CACNA1I: variants seen among roughly 807,000 people sequenced by gnomAD.
CACNA1I encodes the protein calcium voltage-gated channel subunit alpha1 I.
In CACNA1I, 74 loss-of-function variants were observed where a neutral mutation model predicts 201.6. The ratio of observed to expected loss-of-function variants is 0.37; its 90% CI spans 0.30 to 0.45. CACNA1I has a LOEUF of 0.45. Among genes scored for constraint, CACNA1I ranks in the 20% least tolerant of loss-of-function variants. The pLI is 1.00. For synonymous variants in CACNA1I, 1,431 were observed against 1,345.2 expected (o/e 1.06, Z -1.40); for missense variants, 2,346 against 3,138.1 (o/e 0.75, Z 6.03).
rs1169454570 is a variant in CACNA1I, at chr22:39,662,090, G to A, written c.3027G>A (p.Ala1009=). The A allele has an allele frequency of 3.9e-6, 6 of 1,530,254 alleles. No individual in the cohort carries two copies. The highest frequency in any genetic ancestry group is 2.1e-5 in the Admixed American group (1 of 48,744). 94.8% of individuals were successfully genotyped at this position (1,530,254 alleles called of 1,614,324 possible). A position where few individuals can be genotyped will look rare whatever the true frequency, so the allele number is the denominator to read the frequency against. The change falls in exon 17 of 37, where the codon GCG becomes GCA. Residue 1009 remains alanine (A), a synonymous_variant. Coordinates refer to ENST00000402142, the MANE Select transcript of CACNA1I (RefSeq NM_021096.4). ...PSAEHESLLS[A]ERGGGARVCE... is the part of the protein sequence containing the mutation. ...CGGAGCATGAGTCCCTGCTCTCTGCGGAGCGCGGCGGCGGCGCCCGGGTCT... is the reference window on the plus strand; with the variant it reads ...CGGAGCATGAGTCCCTGCTCTCTGCAGAGCGCGGCGGCGGCGCCCGGGTCT...
chr22:39,633,752 G>C (rs923708671), intron 4 of CACNA1I, among the ~76,000 whole-genome samples: 3 of 152,228 alleles, frequency 2.0e-5, no homozygotes, highest in African/African-American at 7.2e-5. Context: ...AGGATCTTAG[G>C]GGGAGGGTGT....
At chr22:39,672,171 G>A (rs940632426) in intron 26 of CACNA1I, 28 bp from the exon 27 acceptor site, 1 of 1,479,130 alleles carries the variant, frequency 6.8e-7, no homozygotes. Flanking sequence ...ATGTGCCCTG[G>A]ATCATGCTTC....
At chr22:39,672,857 C>G (rs1935411522) in intron 27 of CACNA1I, 92 bp from the exon 28 acceptor site, 13 of 1,404,626 alleles carry the variant, frequency 9.3e-6, no homozygotes, top group Non-Finnish European at 1.3e-5. Context: ...ATAGAAGGGT[C>G]AGGACCTGGG....
Position 39,661,098 on chromosome 22 carries a change from A to G in CACNA1I, c.2699-10A>G. The G allele has an allele frequency of 6.2e-7, 1 of 1,608,294 alleles. No individual in the cohort carries two copies. Among genetic ancestry groups the G allele is most frequent in the Non-Finnish European group, 8.5e-7 (1 of 1,176,784 alleles). On this transcript the variant is annotated splice_polypyrimidine_tract_variant and intron_variant, in intron 15 of 36. Transcript: ENST00000402142. ...CTGTCCCTCCCTCTGTCTCCATCTC[A>G]CTCCTCCAGATCCCAAGCTCTGCCC...
At chr22:39,669,929 G>T in intron 24 of CACNA1I, 109 bp from the exon 25 acceptor site, 1 of 1,236,604 alleles carries the variant, frequency 8.1e-7, no homozygotes, top group South Asian at 1.3e-5. Context: ...CCTTCCTGGA[G>T]GCAGGCTCAA....
chr22:39,679,127 C>A lies in CACNA1I; in HGVS notation c.5076C>A (p.Thr1692=), dbSNP rs370762579. The A allele has an allele frequency of 1.3e-6, 2 of 1,593,760 alleles. No homozygotes were observed. The highest frequency in any genetic ancestry group is 2.3e-5 in the East Asian group (1 of 43,812). Residue 1692 remains threonine, a synonymous_variant, in exon 32 of 37, where the codon ACC becomes ACA. Transcript: ENST00000402142. ...CGCAGGACACGCTGCGGGACTGCACCCACGACGAGCGCAGCTGCCTGAGCA... is the reference window on the plus strand; with the variant it reads ...CGCAGGACACGCTGCGGGACTGCACACACGACGAGCGCAGCTGCCTGAGCA... ...GIMKDTLRDC[T]HDERSCLSSL...
At chr22:39,626,211 C>T (rs1601473351) in intron 4 of CACNA1I, among the ~76,000 whole-genome samples, 1 of 152,264 alleles carries the variant, frequency 6.6e-6, no homozygotes. Flanking sequence ...CTCTCCGTGC[C>T]TCTATTTCCC....
intron 1 of CACNA1I, among the ~76,000 whole-genome samples, chr22:39,595,904 G>A (rs1406676384): frequency 6.6e-6 from 1 of 151,660 alleles, no homozygotes; most frequent in Non-Finnish European, 1.5e-5. Flanking sequence ...CAGAGACAAT[G>A]AGCATGTCAG....
intron 5 of CACNA1I, among the ~76,000 whole-genome samples, 200 bp from the exon 6 acceptor site, chr22:39,640,667 G>T (rs570710618): frequency 6.6e-6 from 1 of 152,306 alleles, no homozygotes; most frequent in Admixed American, 6.5e-5. Context: ...CCCAGAGAAG[G>T]GGACCACAGT....
At position 39,688,573 on chromosome 22, in the gene CACNA1I, C is replaced by G. The variant is rs976951543; in HGVS notation, c.*2168C>G. The G allele has an allele frequency of 7.2e-5, 11 of 152,104 alleles. No homozygotes were observed. The highest frequency in any genetic ancestry group is 2.7e-4 in the African/African-American group (11 of 41,394). The allele number at this position is 152,104 out of a possible 1,614,324, so 9.4% of individuals were successfully genotyped here. Reference sequence around the variant, plus strand: ...AGAGGGGCTGTGTGGCCTGGGAATACCATGTGGAAGGTTGGGCTTCAAGTT... The same window carrying G: ...AGAGGGGCTGTGTGGCCTGGGAATAGCATGTGGAAGGTTGGGCTTCAAGTT... On this transcript the variant is annotated 3_prime_UTR_variant, in exon 37 of 37. Coordinates refer to ENST00000402142, the MANE Select transcript of CACNA1I (RefSeq NM_021096.4). This position sits in a 1 kb window ranked among gnomAD's most constrained non-coding sequence, Gnocchi z 4.8.
chr22:39,664,647 T>TCGCCC (rs1279878135), intron 20 of CACNA1I, 92 bp from the exon 21 acceptor site: 1 of 232,932 alleles, frequency 4.3e-6, no homozygotes, highest in African/African-American at 4.2e-5. Context: ...CGATCAGGCC[T>TCGCCC]CGCCCCGCCC....
chr22:39,686,484 T>C lies in CACNA1I; in HGVS notation c.*79T>C. 1 of 1,048,522 alleles carries C rather than the reference T, an allele frequency of 9.5e-7. No individual in the cohort carries two copies. The highest frequency in any genetic ancestry group is 1.2e-6 in the Non-Finnish European group (1 of 825,980). The allele number at this position is 1,048,522 out of a possible 1,614,324, so 65.0% of individuals were successfully genotyped here. A position where few individuals can be genotyped will look rare whatever the true frequency, so the allele number is the denominator to read the frequency against. On this transcript the variant is annotated 3_prime_UTR_variant, in exon 37 of 37. Transcript: ENST00000402142. ...CTCAGGAGCCAGGAGCAGACAGCAA[T>C]ACTTCGTCCACACCTGGGATCGCGC...
At chr22:39,633,751 G>C (rs1438826293) in intron 4 of CACNA1I, among the ~76,000 whole-genome samples, 1 of 152,254 alleles carries the variant, frequency 6.6e-6, no homozygotes, top group Non-Finnish European at 1.5e-5. Flanking sequence ...CAGGATCTTA[G>C]GGGGAGGGTG....
At chr22:39,637,808 C>G (rs1278577043) in intron 5 of CACNA1I, among the ~76,000 whole-genome samples, 1 of 152,152 alleles carries the variant, frequency 6.6e-6, no homozygotes, top group Non-Finnish European at 1.5e-5. Context: ...TTTAAGAAAT[C>G]TTTTCTAAAG....
At chr22:39,632,863 G>A (rs887238874) in intron 4 of CACNA1I, among the ~76,000 whole-genome samples, 17 of 151,360 alleles carry the variant, frequency 1.1e-4, no homozygotes, top group Non-Finnish European at 2.4e-4. Flanking sequence ...TGGGGGTGTA[G>A]GGTGGTGGGG....
At chr22:39,589,046 G>GT (rs1211806429) in intron 1 of CACNA1I, among the ~76,000 whole-genome samples, 1 of 152,132 alleles carries the variant, frequency 6.6e-6, no homozygotes, top group Non-Finnish European at 1.5e-5. Flanking sequence ...TGTCCTGTAC[G>GT]TTGTAGGGTG....
intron 1 of CACNA1I, among the ~76,000 whole-genome samples, chr22:39,572,718 A>C (rs2145795055): frequency 6.6e-6 from 1 of 151,742 alleles, no homozygotes; most frequent in East Asian, 1.9e-4. Flanking sequence ...TGTCTGTCCC[A>C]GGGAGTGCCC....
chr22:39,655,910 A>G (rs1934801582), intron 10 of CACNA1I, among the ~76,000 whole-genome samples: 1 of 152,204 alleles, frequency 6.6e-6, no homozygotes, highest in Non-Finnish European at 1.5e-5. Context: ...CATCCCTGGT[A>G]GGAGTGTGTG....
At chr22:39,658,391 AT>A in intron 11 of CACNA1I, 88 bp downstream of exon 11, 1 of 1,261,188 alleles carries the variant, frequency 7.9e-7, no homozygotes. Flanking sequence ...AGGACATAAG[AT>A]GGCTGTGGAA....
Sources: gnomAD v4.1 joint callset for allele counts (sites outside exome capture counted in the v4.1 genomes callset) on GRCh38, gnomAD v4.1.1 for gene constraint, Gnocchi (gnomAD v3.1) non-coding constraint, MANE v1.5 for transcripts, NCBI Gene and HGNC (gene_info 2026-07-23, HGNC 2026-07-21) for gene names.